IGF2R: variants seen among roughly 807,000 people sequenced by gnomAD.
IGF2R encodes cation-independent mannose-6-phosphate receptor.
A neutral mutation model predicts 270.6 loss-of-function variants in IGF2R; 91 were observed. That is an observed-to-expected ratio of 0.34 (90% CI 0.28 to 0.40). The LOEUF is 0.40. Ranked by LOEUF, IGF2R falls within the 10% of genes least tolerant of loss-of-function variation. The pLI is 1.00. For synonymous variants in IGF2R, 1,316 were observed against 1,258.9 expected, an observed-to-expected ratio of 1.05 and a Z score of -0.96; for missense variants, 2,805 against 3,188.3, an observed-to-expected ratio of 0.88 and a Z score of 2.90.
chr6:160,073,767 C>G lies in IGF2R; in HGVS notation c.4958C>G (p.Ser1653Cys). ...TTTCCTACTTAACAGACCGAATGTT[C>G]CGTGAGGAATGGAAGCTCTATTGTT... ...PLACEQATEC[S>C]VRNGSSIVDL... The change falls in exon 35 of 48, where the codon TCC becomes TGC. Residue 1653 changes from serine to cysteine, a missense_variant. By Grantham distance (112) the Ser-to-Cys change is moderately radical. Around this residue, in one of 2 missense-constraint regions of IGF2R, gnomAD observed 1,851 missense variants for 2,207.2 expected, o/e 0.84. Transcript: ENST00000356956. 6.2e-7 allele frequency: 1 copy of G among 1,613,944 alleles called. No homozygotes were observed.
At chr6:160,097,755 G>A (rs571565218) in intron 45 of IGF2R, among the ~76,000 whole-genome samples, 9 of 152,276 alleles carry the variant, frequency 5.9e-5, no homozygotes, top group South Asian at 2.1e-4. Context: ...GTCAGCAGAC[G>A]ACAGTGGTGG....
rs1778636779 is a variant in IGF2R at position 160,068,343 on chromosome 6, C to T, written c.4210C>T (p.Leu1404Phe). 2 of 1,614,264 alleles carry T rather than the reference C, an allele frequency of 1.2e-6. No homozygotes were observed. The highest frequency in any genetic ancestry group is 2.2e-5 in the East Asian group (1 of 44,890). The change falls in exon 30 of 48, where the codon CTC becomes TTC. Residue 1404 changes from leucine (L) to phenylalanine (F), a missense_variant. This residue lies in a region of IGF2R where 1,851 missense variants were observed against 2,207.2 expected (regional missense o/e 0.84). Transcript: ENST00000356956. ...TGGGACGGGGGACCCGGAGCACTAC[C>T]TCATCAATGTCTGCAAGTCTCTGGC... ...ITGTGDPEHY[L>F]INVCKSLAPQ...
intron 4 of IGF2R, among the ~76,000 whole-genome samples, chr6:160,021,392 A>G (rs1038113125): frequency 1.1e-4 from 15 of 139,484 alleles, no homozygotes; most frequent in East Asian, 2.1e-4. Context: ...GAATTGAACA[A>G]TGAGAACACA....
In IGF2R at chr6:160,080,222, G is replaced by A; in HGVS notation, c.5780G>A (p.Cys1927Tyr). Residue 1927 changes from cysteine (C) to tyrosine (Y), a missense_variant, in exon 39 of 48, where the codon TGT becomes TAT. By Grantham distance (194) the Cys-to-Tyr change is radical (BLOSUM62 -2). Around this residue, in one of 2 missense-constraint regions of IGF2R, gnomAD observed 1,851 missense variants for 2,207.2 expected, o/e 0.84. Coordinates refer to ENST00000356956, the MANE Select transcript of IGF2R (RefSeq NM_000876.4). ...ATAGAGAGCAGGGCGAAGCTGTGGT[G>A]TAGCACAACTGCGGACTACGACAGA... ...CIIESRAKLW[C>Y]STTADYDRDH... 6.2e-7 allele frequency: 1 copy of A among 1,614,214 alleles called. No individual in the cohort carries two copies. The highest frequency in any genetic ancestry group is 8.5e-7 in the Non-Finnish European group (1 of 1,180,026).
chr6:160,029,592 C>T lies in IGF2R; in HGVS notation c.819C>T (p.Asp273=). The T allele has an allele frequency of 6.2e-7, 1 of 1,614,144 alleles. No individual in the cohort carries two copies. Among genetic ancestry groups the T allele is most frequent in the South Asian group, 1.1e-5 (1 of 91,082 alleles). Residue 273 remains aspartate, a synonymous_variant, in exon 7 of 48, where the codon GAC becomes GAT. Coordinates refer to ENST00000356956, the MANE Select transcript of IGF2R (RefSeq NM_000876.4). ...SYVREEAGKL[D]FCDGHSPAVT... ...TGAGGGAAGAGGCAGGAAAGCTAGA[C>T]TTTTGTGATGGTCACAGCCCTGCGG...
In IGF2R at chr6:160,047,916, G is replaced by A; in HGVS notation, c.2345+9G>A. ...CAGTACGACCTCTCCAGGTGAGGCA[G>A]AGTCAGCTGCTCTGTTTTTGGCCTG... On this transcript the variant is annotated intron_variant, in intron 17 of 47. Coordinates refer to ENST00000356956, the MANE Select transcript of IGF2R (RefSeq NM_000876.4). The A allele has an allele frequency of 6.4e-7, 1 of 1,563,850 alleles. No individual in the cohort carries two copies. The highest frequency in any genetic ancestry group is 8.8e-7 in the Non-Finnish European group (1 of 1,134,124).
At chr6:159,975,818 C>A (rs1783685732) in intron 1 of IGF2R, among the ~76,000 whole-genome samples, 1 of 147,514 alleles carries the variant, frequency 6.8e-6, no homozygotes, top group Non-Finnish European at 1.5e-5. Context: ...AATATATACA[C>A]ACGCACATAT....
intron 1 of IGF2R, 74 bp downstream of exon 1, chr6:159,969,469 G>A (rs1231416598): frequency 3.8e-6 from 4 of 1,052,964 alleles, no homozygotes; most frequent in Non-Finnish European, 3.5e-6. Context: ...GGCGGGGAGC[G>A]CTCGAGGAGC....
intron 2 of IGF2R, chr6:160,003,981 A>G (rs1031953403): frequency 1.3e-5 from 2 of 152,222 alleles, no homozygotes; most frequent in Non-Finnish European, 1.5e-5. Context: ...TCAGGGGACA[A>G]GAAGGGTAGC....
intron 45 of IGF2R, among the ~76,000 whole-genome samples, chr6:160,100,633 G>A (rs1013268720): frequency 4.0e-5 from 6 of 151,328 alleles, no homozygotes; most frequent in Non-Finnish European, 5.9e-5. Flanking sequence ...TGTTCCCTGC[G>A]TTGGGAGAAC....
At position 160,096,371 on chromosome 6, in the gene IGF2R, G is replaced by C. The variant is rs148951260; in HGVS notation, c.6656-68G>C. The C allele has an allele frequency of 1.9e-5, 27 of 1,417,126 alleles. No individual in the cohort carries two copies. The African/African-American group carries it at 3.3e-4, about 17-fold the overall frequency. The allele number at this position is 1,417,126 out of a possible 1,614,324, so 87.8% of individuals were successfully genotyped here. A position where few individuals can be genotyped will look rare whatever the true frequency, so the allele number is the denominator to read the frequency against. ...TCTTTGCAAACTTTTTAGACCGTAA[G>C]GAGCTAAGCTCAGTCTGCTCGTGAA... On this transcript the variant is annotated intron_variant, in intron 44 of 47. Coordinates refer to ENST00000356956, the MANE Select transcript of IGF2R (RefSeq NM_000876.4).
rs199696872 is a variant in IGF2R at position 160,026,821 on chromosome 6, TA to T, written c.647-362del. The stretch of plus-strand genomic sequence containing the variant: ...AACCCAGAGCTGTGGGTTCTTTCCC[TA>T]ATCTCCTAATTGTTCCAGTCATCTG... On this transcript the variant is annotated intron_variant, in intron 5 of 47. Coordinates refer to ENST00000356956, the MANE Select transcript of IGF2R (RefSeq NM_000876.4). Among the ~76,000 whole-genome samples the T allele has an allele frequency of 1.7e-4, 26 of 152,374 alleles. No individual in the cohort carries two copies. In the East Asian group the frequency reaches 5.0e-3, roughly 29 times the overall value.
chr6:160,028,420 T>G lies in IGF2R; in HGVS notation c.776+1106T>G, dbSNP rs553771285. Among the ~76,000 whole-genome samples, 3 of 152,378 alleles carry G rather than the reference T, an allele frequency of 2.0e-5. No homozygotes were observed. In the East Asian group the frequency reaches 5.8e-4, roughly 29 times the overall value. On this transcript the variant is annotated intron_variant, in intron 6 of 47. Transcript: ENST00000356956. ...GCTTAGGCCTTCAACATACAAATTT[T>G]GAGGGGAAACAGTTCAGTCCATAAC...
Position 160,050,542 on chromosome 6 carries a change from A to C in IGF2R, c.2584A>C (p.Ser862Arg). ...AAAGACCGGCCCGGTGGTTGAGGAC[A>C]GCGGCAGCCTCCTTCTGGAATACGT... ...MAKTGPVVED[S>R]GSLLLEYVNG... The change falls in exon 19 of 48, where the codon AGC becomes CGC. Residue 862 changes from serine (S) to arginine (R), a missense_variant. Transcript: ENST00000356956. The surrounding 1 kb of genome is among the most constrained non-coding windows in gnomAD (Gnocchi z 4.0). The C allele has an allele frequency of 1.2e-6, 2 of 1,614,162 alleles. No individual in the cohort carries two copies. The highest frequency in any genetic ancestry group is 1.1e-5 in the South Asian group (1 of 91,070).
At chr6:160,036,618 C>T (rs1777831963) in intron 10 of IGF2R, among the ~76,000 whole-genome samples, 1 of 152,110 alleles carries the variant, frequency 6.6e-6, no homozygotes, top group Non-Finnish European at 1.5e-5. Context: ...AAGACAGAAT[C>T]ATTATCCAAA....
intron 1 of IGF2R, among the ~76,000 whole-genome samples, chr6:159,970,649 T>TTAGC (rs1783595860): frequency 6.6e-6 from 1 of 152,168 alleles, no homozygotes; most frequent in Admixed American, 6.5e-5. Context: ...TAAAGACCAG[T>TTAGC]TAGCTACCCT....
chr6:160,102,557 A>G lies in IGF2R; in HGVS notation c.6881A>G (p.Gln2294Arg). Reference protein sequence around the residue: ...FDSENPGDDGQMHKGLSERSQ... With the variant: ...FDSENPGDDGRMHKGLSERSQ... ...AGCGAGAATCCCGGGGACGACGGGCAGATGCACAAGGGGCTGTCAGAACGG... is the reference window on the plus strand; with the variant it reads ...AGCGAGAATCCCGGGGACGACGGGCGGATGCACAAGGGGCTGTCAGAACGG... Residue 2294 changes from glutamine (Q) to arginine (R), a missense_variant, in exon 46 of 48, where the codon CAG becomes CGG. Transcript: ENST00000356956. The surrounding 1 kb of genome is among the most constrained non-coding windows in gnomAD (Gnocchi z 4.5). The G allele has an allele frequency of 1.2e-6, 2 of 1,613,280 alleles. No homozygotes were observed. Among genetic ancestry groups the G allele is most frequent in the Non-Finnish European group, 1.7e-6 (2 of 1,179,932 alleles).
In IGF2R at chr6:160,050,743, G is replaced by A; in HGVS notation, c.2694+91G>A. ...GTCTCTTAACAGCAGCAGTCTTGGG[G>A]TGGGTGGCGGAGCTAGGCCAGTCTT... On this transcript the variant is annotated intron_variant, in intron 19 of 47. Transcript: ENST00000356956. The surrounding 1 kb of genome is among the most constrained non-coding windows in gnomAD (Gnocchi z 4.0). The A allele has an allele frequency of 8.3e-7, 1 of 1,211,116 alleles. No homozygotes were observed. Among genetic ancestry groups the A allele is most frequent in the Middle Eastern group, 2.8e-4 (1 of 3,578 alleles). 75.0% of individuals were successfully genotyped at this position (1,211,116 alleles called of 1,614,324 possible).
In IGF2R at chr6:160,068,231, G is replaced by A. The variant is rs753875170; in HGVS notation, c.4116-18G>A. On this transcript the variant is annotated intron_variant, in intron 29 of 47. Coordinates refer to ENST00000356956, the MANE Select transcript of IGF2R (RefSeq NM_000876.4). ...AATACGACCAAGCCTAACTAACTGC[G>A]GGTTTTCTTCTTTTCAGAGATGGGG... is the stretch of plus-strand genomic sequence containing the variant. 18 of 1,613,728 alleles carry A rather than the reference G, an allele frequency of 1.1e-5. No homozygotes were observed. The highest frequency in any genetic ancestry group is 1.1e-4 in the South Asian group (10 of 91,066).
Sources: allele counts gnomAD v4.1 joint callset (sites outside exome capture counted in the v4.1 genomes callset), GRCh38; gene constraint gnomAD v4.1.1; regional missense constraint gnomAD v4.1.1; non-coding constraint Gnocchi (gnomAD v3.1); transcripts MANE v1.5; gene names NCBI Gene and HGNC (gene_info 2026-07-23, HGNC 2026-07-21).